USP39: variants seen among roughly 807,000 people sequenced by gnomAD.
USP39 encodes ubiquitin carboxyl-terminal hydrolase 39.
Under a neutral mutation model 66.4 loss-of-function variants are expected in USP39, and 38 were observed. The ratio of observed to expected loss-of-function variants is 0.57; its 90% confidence interval spans 0.44 to 0.75. The LOEUF (loss-of-function observed/expected upper bound fraction) is 0.75. Among genes scored for constraint, USP39 ranks in the 30% least tolerant of loss-of-function variants. The pLI is 0.00. For synonymous variants in USP39, 303 were observed against 274.6 expected, an observed-to-expected ratio of 1.10 and a Z score of -1.02; for missense variants, 608 against 714.4, an observed-to-expected ratio of 0.85 and a Z score of 1.70.
chr2:85,612,134 G>T, upstream of USP39: 1 of 894,476 alleles, frequency 1.1e-6, no homozygotes. Flanking sequence ...GCGATGCAGC[G>T]CACGGAGTTT....
At chr2:85,645,999 C>G (rs1418434664) in intron 11 of USP39, 1 of 152,180 alleles carries the variant, frequency 6.6e-6, no homozygotes, top group Non-Finnish European at 1.5e-5. Flanking sequence ...AGACTAGAGC[C>G]TTACCATCCA....
upstream of USP39, among the ~76,000 whole-genome samples, chr2:85,614,351 T>G (rs935031203): frequency 5.3e-5 from 8 of 152,034 alleles, no homozygotes; most frequent in Non-Finnish European, 1.0e-4. Flanking sequence ...CTGTGCCTAC[T>G]AAAAATACAA....
chr2:85,609,134 C>T, upstream of USP39: 1 of 1,582,274 alleles, frequency 6.3e-7, no homozygotes, highest in Middle Eastern at 1.8e-4. Context: ...TGCCCTGTCC[C>T]TAAACACTCT....
chr2:85,614,532 G>C (rs756407213), upstream of USP39, among the ~76,000 whole-genome samples: 1 of 152,058 alleles, frequency 6.6e-6, no homozygotes, highest in Non-Finnish European at 1.5e-5. Flanking sequence ...AAAATGTAAA[G>C]TAGTGAAAGT....
intron 1 of USP39, among the ~76,000 whole-genome samples, chr2:85,604,759 T>G (rs1673156932): frequency 6.6e-6 from 1 of 152,248 alleles, no homozygotes; most frequent in Non-Finnish European, 1.5e-5. Context: ...CCAATGGGGC[T>G]GTGAACCCTA....
intron 10 of USP39, among the ~76,000 whole-genome samples, chr2:85,644,386 T>G (rs1289084243): frequency 6.6e-6 from 1 of 152,204 alleles, no homozygotes; most frequent in Non-Finnish European, 1.5e-5. Flanking sequence ...TTAATATTCT[T>G]GTTAACTGTC....
chr2:85,621,496 A>C lies in USP39; in HGVS notation c.350A>C (p.Asp117Ala). 1 of 1,613,922 alleles carries C rather than the reference A, an allele frequency of 6.2e-7. No homozygotes were observed. Among genetic ancestry groups the C allele is most frequent in the Non-Finnish European group, 8.5e-7 (1 of 1,179,950 alleles). ...YLDTINRSVL[D>A]FDFEKLCSIS... Reference sequence around the variant, plus strand: ...TTTTGTTTCCTTAGGAGTGTGCTGGACTTTGACTTTGAGAAACTGTGTTCT... The same window carrying C: ...TTTTGTTTCCTTAGGAGTGTGCTGGCCTTTGACTTTGAGAAACTGTGTTCT... Residue 117 changes from aspartate to alanine, a missense_variant, in exon 3 of 13, where the codon GAC becomes GCC. Physicochemically the swap from Asp to Ala is moderately radical, Grantham distance 126. Coordinates refer to ENST00000323701, the MANE Select transcript of USP39 (RefSeq NM_006590.4).
intron 3 of USP39, among the ~76,000 whole-genome samples, chr2:85,622,050 C>A (rs561569028): frequency 6.6e-6 from 1 of 151,854 alleles, no homozygotes; most frequent in African/African-American, 2.4e-5. Context: ...GAACTCCTGG[C>A]CGCAGGTGAT....
At chr2:85,606,165 T>C (rs1673204694) in intron 1 of USP39, among the ~76,000 whole-genome samples, 1 of 152,074 alleles carries the variant, frequency 6.6e-6, no homozygotes, top group Non-Finnish European at 1.5e-5. Flanking sequence ...TATCAGATTG[T>C]GTGTGTGTGC....
At chr2:85,619,502 A>T (rs1674283442) in intron 2 of USP39, among the ~76,000 whole-genome samples, 1 of 151,268 alleles carries the variant, frequency 6.6e-6, no homozygotes, top group Admixed American at 6.6e-5. Flanking sequence ...GTATGTTGGG[A>T]TAACAGGATG....
intron 3 of USP39, among the ~76,000 whole-genome samples, chr2:85,622,575 T>G (rs1005022372): frequency 6.6e-6 from 1 of 151,852 alleles, no homozygotes; most frequent in Non-Finnish European, 1.5e-5. Context: ...TTTTATTTTA[T>G]TTTTTTGTGG....
intron 5 of USP39, among the ~76,000 whole-genome samples, chr2:85,627,080 T>C (rs1674927660): frequency 6.6e-6 from 1 of 150,644 alleles, no homozygotes; most frequent in Admixed American, 6.7e-5. Flanking sequence ...TTTAAGAAAA[T>C]TTTATGAGTA....
In USP39 at chr2:85,621,767, A is replaced by T. The variant is rs569911033; in HGVS notation, c.433+188A>T. 2.0e-5 allele frequency among the ~76,000 whole-genome samples: 3 copies of T among 152,276 alleles called. No homozygotes were observed. The East Asian group carries it at 5.8e-4, about 29-fold the overall frequency. ...CAGAACCTGGATATGTCTGTAAGGG[A>T]GAAAGAGCTAGTCATATGAAAGACT... On this transcript the variant is annotated intron_variant, in intron 3 of 12. Transcript: ENST00000323701.
Position 85,616,210 on chromosome 2 carries a change from T to C in USP39, c.15T>C (p.Ser5=). The C allele has an allele frequency of 6.9e-7, 1 of 1,455,754 alleles. No individual in the cohort carries two copies. The highest frequency in any genetic ancestry group is 1.4e-5 in the South Asian group (1 of 70,596). The allele number at this position is 1,455,754 out of a possible 1,614,324, so 90.2% of individuals were successfully genotyped here. ...CGGTAGTGGAGATGTCCGGCCGGTC[T>C]AAGCGGGAGTCTCGCGGTTCCACTC... MSGR[S]KRESRGSTRG... Residue 5 remains serine, a synonymous_variant, in exon 1 of 13, where the codon TCT becomes TCC. Transcript: ENST00000323701.
At chr2:85,627,666 A>G (rs1674980745) in intron 5 of USP39, among the ~76,000 whole-genome samples, 1 of 151,372 alleles carries the variant, frequency 6.6e-6, no homozygotes, top group Non-Finnish European at 1.5e-5. Flanking sequence ...ACAGTGGTGC[A>G]TGCATGCCTG....
Position 85,630,878 on chromosome 2 carries a change from T to C in USP39, c.881T>C (p.Val294Ala). The part of the protein sequence containing the change: ...LWNPRNFKAH[V>A]SPHEMLQAVV... ...AACCCTCGAAATTTCAAGGCACATG[T>C]GTCTCCCCATGAGATGCTTCAGGCA... Residue 294 changes from valine (V) to alanine (A), a missense_variant, in exon 6 of 13, where the codon GTG (valine) becomes GCG (alanine). Physicochemically the swap from Val to Ala is moderately conservative, Grantham distance 64. Around this residue, in one of 6 missense-constraint regions of USP39, gnomAD observed 17 missense variants for 38.0 expected, o/e 0.45. Coordinates refer to ENST00000323701, the MANE Select transcript of USP39 (RefSeq NM_006590.4). 1 of 1,614,230 alleles carries C rather than the reference T, an allele frequency of 6.2e-7. No homozygotes were observed. Among genetic ancestry groups the C allele is most frequent in the Non-Finnish European group, 8.5e-7 (1 of 1,180,038 alleles).
At chr2:85,624,963 A>T (rs1416539859) in intron 4 of USP39, among the ~76,000 whole-genome samples, 3 of 47,330 alleles carry the variant, frequency 6.3e-5, no homozygotes, top group East Asian at 5.3e-4. Flanking sequence ...AACTCCATCT[A>T]AAAAAAAAAA....
chr2:85,644,689 T>G (rs1038019449), intron 10 of USP39, among the ~76,000 whole-genome samples: 1 of 151,998 alleles, frequency 6.6e-6, no homozygotes, highest in African/African-American at 2.4e-5. Flanking sequence ...TCTCAAAGTG[T>G]TGGGATTATA....
chr2:85,604,516 A>T lies in USP39; in HGVS notation n.226+1435A>T, dbSNP rs550572291. ...TGTGAACCACCGTGCCCAGCGGGAG[A>T]GCCCTGTCCTTAAACACATTAGGAC... is the stretch of plus-strand genomic sequence containing the variant. On this transcript the variant is annotated intron_variant and non_coding_transcript_variant, in intron 1 of 12. Transcript: ENST00000459775. Among the ~76,000 whole-genome samples, 33 of 152,296 alleles carry T rather than the reference A, an allele frequency of 2.2e-4. 3 individuals carry two copies. The highest frequency in any genetic ancestry group is 7.7e-4 in the African/African-American group (32 of 41,556).
Sources: allele counts gnomAD v4.1 joint callset (sites outside exome capture counted in the v4.1 genomes callset), GRCh38; gene constraint gnomAD v4.1.1; regional missense constraint gnomAD v4.1.1; transcripts MANE v1.5; gene names NCBI Gene and HGNC (gene_info 2026-07-23, HGNC 2026-07-21).